The following NOLC1 variants were observed in gnomAD, a reference collection of about 807,000 sequenced individuals.
NOLC1 encodes nucleolar and coiled-body phosphoprotein 1, also known as 140 kDa nucleolar phosphoprotein.
A neutral mutation model predicts 73.4 loss-of-function variants in NOLC1; 37 were observed. The observed-to-expected ratio is 0.50, with a 90% CI of 0.39 to 0.66. NOLC1 has a LOEUF of 0.66. NOLC1 is among the 30% of genes least tolerant of loss of function. NOLC1 has a pLI of 0.00. For missense variants in NOLC1, 921 were observed against 838.9 expected (o/e 1.10, Z -1.21); for synonymous variants, 327 against 302.6 (o/e 1.08, Z -0.84).
At position 102,152,404 on chromosome 10, in the gene NOLC1, C is replaced by T. The variant is rs745566242; in HGVS notation, c.-7C>T. On this transcript the variant is annotated 5_prime_UTR_variant, in exon 1 of 13. Coordinates refer to ENST00000605788, the MANE Select transcript of NOLC1 (RefSeq NM_004741.5). ...CGACAACGGTAGTGACGCGTATTGCCTGGAGGATGGCGGACGCCGGCATTC... is the reference window on the plus strand; with the variant it reads ...CGACAACGGTAGTGACGCGTATTGCTTGGAGGATGGCGGACGCCGGCATTC... The T allele has an allele frequency of 5.0e-6, 8 of 1,608,868 alleles. No homozygotes were observed. The highest frequency in any genetic ancestry group is 4.5e-5 in the East Asian group (2 of 44,886).
At chr10:102,157,138 G>T in intron 2 of NOLC1, 51 bp from the exon 3 acceptor site, 1 of 1,613,902 alleles carries the variant, frequency 6.2e-7, no homozygotes, top group Non-Finnish European at 8.5e-7. Context: ...TGTGTTTCTT[G>T]GTTTGGGAAG....
At chr10:102,153,621 G>T (rs149762080) in intron 1 of NOLC1, among the ~76,000 whole-genome samples, 1 of 151,890 alleles carries the variant, frequency 6.6e-6, no homozygotes, top group East Asian at 1.9e-4. Flanking sequence ...AGACTGCGGA[G>T]AGTGCTTTCA....
At position 102,160,611 on chromosome 10, in the gene NOLC1, A is replaced by G. The variant is rs368675078; in HGVS notation, c.1259A>G (p.Lys420Arg). ...VGGGQKLLTR[K>R]ADSSSSEEES... ...GGTGGCCAGAAGCTTCTGACGAGAA[A>G]GGCTGACAGCAGCTCCAGTGAGGAA... Residue 420 changes from lysine to arginine, a missense_variant, in exon 10 of 13, where the codon AAG (lysine) becomes AGG (arginine). Lys to Arg is a conservative substitution (Grantham distance 26, BLOSUM62 2). Coordinates refer to ENST00000605788, the MANE Select transcript of NOLC1 (RefSeq NM_004741.5). 16 of 1,614,126 alleles carry G rather than the reference A, an allele frequency of 9.9e-6. No homozygotes were observed. Among genetic ancestry groups the G allele is most frequent in the Admixed American group, 5.0e-5 (3 of 60,010 alleles).
intron 1 of NOLC1, 31 bp from the exon 2 acceptor site, chr10:102,156,988 A>G (rs1233779433): frequency 8.1e-6 from 13 of 1,608,154 alleles, no homozygotes; most frequent in Non-Finnish European, 1.1e-5. Context: ...GGATAAAATA[A>G]TTTCCTTACC....
intron 1 of NOLC1, among the ~76,000 whole-genome samples, chr10:102,156,595 GCTGGGCTAA>G (rs1437033098): frequency 1.3e-5 from 2 of 151,978 alleles, no homozygotes; most frequent in African/African-American, 4.8e-5. Context: ...CTGCCATCAT[GCTGGGCTAA>G]TTTTTGTTTT....
In NOLC1 at chr10:102,156,116, A is replaced by T. The variant is rs1017837905; in HGVS notation, c.121-903A>T. ...TGGCCTCCCAGAGTGTTGGGATTAT[A>T]GGCGTGAGCCACTGCATCCCGCCTG... On this transcript the variant is annotated intron_variant, in intron 1 of 12. Coordinates refer to ENST00000605788, the MANE Select transcript of NOLC1 (RefSeq NM_004741.5). 4.6e-5 allele frequency among the ~76,000 whole-genome samples: 7 copies of T among 152,220 alleles called. No individual in the cohort carries two copies. The South Asian group carries it at 6.2e-4, about 13-fold the overall frequency.
At chr10:102,153,539 C>T (rs1267757937) in intron 1 of NOLC1, among the ~76,000 whole-genome samples, 1 of 152,184 alleles carries the variant, frequency 6.6e-6, no homozygotes, top group Non-Finnish European at 1.5e-5. Context: ...TCAAAACTTC[C>T]TTAAGCTGGG....
rs371012896 is a variant in NOLC1 at position 102,152,540 on chromosome 10, G to C, written c.120+10G>C. The C allele has an allele frequency of 1.2e-6, 2 of 1,613,326 alleles. No homozygotes were observed. The highest frequency in any genetic ancestry group is 1.7e-6 in the Non-Finnish European group (2 of 1,180,032). On this transcript the variant is annotated intron_variant, in intron 1 of 12. Coordinates refer to ENST00000605788, the MANE Select transcript of NOLC1 (RefSeq NM_004741.5). ...CAAAGCGACAGGAGCTGTGAGTTCC[G>C]GGCTTGGGGCGGGGACCGGGCTGAG... is the stretch of plus-strand genomic sequence containing the variant.
At chr10:102,159,393 C>T (rs1399638907) in intron 6 of NOLC1, 40 bp from the exon 7 acceptor site, 6 of 1,613,582 alleles carry the variant, frequency 3.7e-6, no homozygotes, top group Non-Finnish European at 5.1e-6. Context: ...TTGGTTGGGT[C>T]AGCATTTTCC....
intron 5 of NOLC1, 108 bp from the exon 6 acceptor site, chr10:102,159,065 CAAAAAAAAAAAAAAAAAAAA>C (rs35183508): frequency 3.1e-6 from 1 of 321,862 alleles, no homozygotes; most frequent in Non-Finnish European, 5.2e-6. Context: ...ACTCCGTCTC[CAAAAAAAAAAAAAAAAAAAA>C]AAAAAAAAAT....
chr10:102,153,428 GGA>G lies in NOLC1; in HGVS notation c.120+904_120+905del, dbSNP rs377530981. On this transcript the variant is annotated intron_variant, in intron 1 of 12. Transcript: ENST00000605788. The stretch of plus-strand genomic sequence containing the variant: ...CTGCATGGGAAGACACTTTGAGAGA[GGA>G]GAGAGGGGGGGTCTTCAGCAGGGAT... Among the ~76,000 whole-genome samples, 46 of 152,346 alleles carry G rather than the reference GGA, an allele frequency of 3.0e-4. No homozygotes were observed. The East Asian group carries it at 4.8e-3, about 16-fold the overall frequency.
rs1323681196 is a variant in NOLC1, at chr10:102,163,454, C to A, written c.*1185C>A. On this transcript the variant is annotated 3_prime_UTR_variant, in exon 13 of 13. Transcript: ENST00000605788. ...TGGTACCTGGGAGCAATTGACATGC[C>A]CCCTTCAGAACCTTAACTGTTAGTA... The A allele has an allele frequency of 6.6e-6, 1 of 152,148 alleles. No homozygotes were observed. The highest frequency in any genetic ancestry group is 1.5e-5 in the Non-Finnish European group (1 of 68,044). 9.4% of individuals were successfully genotyped at this position (152,148 alleles called of 1,614,324 possible). A position where few individuals can be genotyped will look rare whatever the true frequency, so the allele number is the denominator to read the frequency against.
At position 102,160,648 on chromosome 10, in the gene NOLC1, C is replaced by T. The variant is rs1341366157; in HGVS notation, c.1296C>T (p.Ser432=). Residue 432 remains serine (S), a synonymous_variant, in exon 10 of 13, where the codon TCC becomes TCT. Coordinates refer to ENST00000605788, the MANE Select transcript of NOLC1 (RefSeq NM_004741.5). ...GCTCCAGTGAGGAAGAGAGCAGCTC[C>T]AGTGAGGAGGAGAAGACAAAGAAGA... is the stretch of plus-strand genomic sequence containing the variant. ...DSSSSEEESS[S]SEEEKTKKMV... is the part of the protein sequence containing the mutation. The T allele has an allele frequency of 2.5e-6, 4 of 1,614,012 alleles. No homozygotes were observed. The highest frequency in any genetic ancestry group is 3.3e-5 in the Admixed American group (2 of 60,004).
intron 1 of NOLC1, 91 bp downstream of exon 1, chr10:102,152,621 G>A: frequency 6.4e-7 from 1 of 1,563,750 alleles, no homozygotes; most frequent in Non-Finnish European, 8.7e-7. Context: ...GGGAAGTCTG[G>A]GGGTCCGCCA....
At chr10:102,156,907 G>T in intron 1 of NOLC1, 112 bp from the exon 2 acceptor site, 2 of 1,011,028 alleles carry the variant, frequency 2.0e-6, no homozygotes, top group Non-Finnish European at 1.5e-6. Flanking sequence ...AAAGTTTTAT[G>T]AAGATGTAAC....
At chr10:102,158,242 G>C (rs1038615150) in intron 5 of NOLC1, 28 bp downstream of exon 5, 4 of 1,608,938 alleles carry the variant, frequency 2.5e-6, no homozygotes, top group Admixed American at 1.7e-5. Flanking sequence ...AAGAGGCTGG[G>C]CTGGGGACCA....
chr10:102,158,758 T>C (rs188797921), intron 5 of NOLC1, among the ~76,000 whole-genome samples: 93 of 152,248 alleles, frequency 6.1e-4, no homozygotes, highest in African/African-American at 2.0e-3. Context: ...TGGTAAACCA[T>C]GGCTGGCATT....
chr10:102,154,138 C>T (rs944473276), intron 1 of NOLC1, among the ~76,000 whole-genome samples: 2 of 147,422 alleles, frequency 1.4e-5, no homozygotes, highest in East Asian at 2.0e-4. Flanking sequence ...GTGGCACGAT[C>T]TCAGCTCACT....
At chr10:102,161,246 T>A (rs1388278278) in intron 10 of NOLC1, among the ~76,000 whole-genome samples, 153 bp downstream of exon 10, 1 of 151,816 alleles carries the variant, frequency 6.6e-6, no homozygotes. Context: ...ACCTTTTTTT[T>A]TTTTTATTAG....
Sources: allele counts gnomAD v4.1 joint callset (sites outside exome capture counted in the v4.1 genomes callset), GRCh38; gene constraint gnomAD v4.1.1; transcripts MANE v1.5; gene names NCBI Gene and HGNC (gene_info 2026-07-23, HGNC 2026-07-21).